Variants in MGMT observed in about 807,000 individuals in gnomAD.
The protein encoded by MGMT is methylated-DNA--protein-cysteine methyltransferase.
Under a neutral mutation model 15.9 loss-of-function variants are expected in MGMT, and 14 were observed. The ratio of observed to expected loss-of-function variants is 0.88; its 90% confidence interval spans 0.58 to 1.37. The LOEUF is 1.37. MGMT is among the 40% of genes most tolerant of loss of function. MGMT has a pLI of 0.00. For synonymous variants in MGMT, 130 were observed against 118.2 expected, an observed-to-expected ratio of 1.10 and a Z score of -0.65; for missense variants, 282 against 268.1, an observed-to-expected ratio of 1.05 and a Z score of -0.36.
In MGMT at chr10:129,612,003, G is replaced by A. The variant is rs141254560; in HGVS notation, c.125+75626G>A. 6.2e-4 allele frequency among the ~76,000 whole-genome samples: 95 copies of A among 152,266 alleles called. 2 individuals carry two copies. The East Asian group carries it at 0.018, about 28-fold the overall frequency. On this transcript the variant is annotated intron_variant, in intron 2 of 4. Coordinates refer to ENST00000651593, the MANE Select transcript of MGMT (RefSeq NM_002412.5). ...CTGAGAACATGTGCCTAAGGTGGTC[G>A]GGGTGCAGCTTGGTTTTATACATTT...
chr10:129,528,856 A>T (rs1845898844), intron 1 of MGMT, among the ~76,000 whole-genome samples: 3 of 151,514 alleles, frequency 2.0e-5, no homozygotes, highest in Non-Finnish European at 2.9e-5. Context: ...GAAAACAAGA[A>T]CTCTCTGCAG....
intron 2 of MGMT, among the ~76,000 whole-genome samples, chr10:129,658,559 A>G (rs1426442614): frequency 6.6e-6 from 1 of 152,216 alleles, no homozygotes; most frequent in Non-Finnish European, 1.5e-5. Context: ...AGTTTTTCAC[A>G]TATCTAAATA....
At chr10:129,734,232 T>G (rs1848534678) in intron 3 of MGMT, among the ~76,000 whole-genome samples, 1 of 143,798 alleles carries the variant, frequency 7.0e-6, no homozygotes, top group Non-Finnish European at 1.5e-5. Flanking sequence ...CTCTTTTATT[T>G]CATTGAGCAG....
chr10:129,714,286 G>A (rs1350240730), intron 3 of MGMT, among the ~76,000 whole-genome samples: 1 of 152,252 alleles, frequency 6.6e-6, no homozygotes, highest in Non-Finnish European at 1.5e-5. Flanking sequence ...ATGGGCCAAA[G>A]AACCTGAGGT....
chr10:129,476,604 G>A (rs2119624896), intron 1 of MGMT, among the ~76,000 whole-genome samples: 1 of 152,254 alleles, frequency 6.6e-6, no homozygotes, highest in Admixed American at 6.5e-5. Flanking sequence ...TGCTCACACT[G>A]CCCCAGCTTA....
chr10:129,499,895 C>T (rs1202206960), intron 1 of MGMT, among the ~76,000 whole-genome samples: 1 of 152,210 alleles, frequency 6.6e-6, no homozygotes, highest in Non-Finnish European at 1.5e-5. Context: ...TGTCAGTTTT[C>T]ACCCGATGAC....
chr10:129,678,135 G>A (rs937098647), intron 2 of MGMT, among the ~76,000 whole-genome samples: 22 of 152,198 alleles, frequency 1.4e-4, no homozygotes, highest in African/African-American at 5.1e-4. Flanking sequence ...AGAACGCCTC[G>A]GTGGCTCCAT....
At chr10:129,598,353 A>G (rs1409696742) in intron 2 of MGMT, among the ~76,000 whole-genome samples, 1 of 152,126 alleles carries the variant, frequency 6.6e-6, no homozygotes, top group African/African-American at 2.4e-5. Context: ...TTCCATCTGT[A>G]TAAGGGGATG....
At chr10:129,494,265 A>G (rs2119662741) in intron 1 of MGMT, among the ~76,000 whole-genome samples, 1 of 152,104 alleles carries the variant, frequency 6.6e-6, no homozygotes, top group African/African-American at 2.4e-5. Context: ...CATTTTTTTC[A>G]TATCTTCATT....
intron 2 of MGMT, among the ~76,000 whole-genome samples, chr10:129,640,097 CTTTT>C (rs539701974): frequency 1.4e-5 from 2 of 139,460 alleles, no homozygotes; most frequent in Non-Finnish European, 1.6e-5. Context: ...AAATGAATAA[CTTTT>C]TTTTTTTTTT....
At chr10:129,510,205 A>G (rs1845666714) in intron 1 of MGMT, among the ~76,000 whole-genome samples, 1 of 151,382 alleles carries the variant, frequency 6.6e-6, no homozygotes, top group African/African-American at 2.5e-5. Context: ...CCCTCGGAGA[A>G]TATTTTCCGG....
At chr10:129,599,364 GT>G (rs1306470715) in intron 2 of MGMT, among the ~76,000 whole-genome samples, 1 of 152,166 alleles carries the variant, frequency 6.6e-6, no homozygotes, top group East Asian at 1.9e-4. Context: ...GATTCAACAG[GT>G]TGCTCTCGTC....
intron 2 of MGMT, among the ~76,000 whole-genome samples, chr10:129,667,013 CA>C: frequency 6.6e-6 from 1 of 152,300 alleles, no homozygotes; most frequent in East Asian, 1.9e-4. Flanking sequence ...AAAATGGACT[CA>C]AACCCTGAAG....
intron 4 of MGMT, among the ~76,000 whole-genome samples, chr10:129,764,112 A>T (rs1848905988): frequency 6.6e-6 from 1 of 152,288 alleles, no homozygotes; most frequent in African/African-American, 2.4e-5. Context: ...CAAGGAGGAG[A>T]AGTGTGGTGC....
intron 1 of MGMT, among the ~76,000 whole-genome samples, chr10:129,471,277 G>A (rs1845228358): frequency 6.6e-6 from 1 of 152,260 alleles, no homozygotes; most frequent in East Asian, 1.9e-4. Context: ...CTTATTGACG[G>A]ATCAGGCAAT....
chr10:129,747,279 C>A (rs1389795559), intron 3 of MGMT, among the ~76,000 whole-genome samples: 1 of 152,146 alleles, frequency 6.6e-6, no homozygotes, highest in East Asian at 1.9e-4. Context: ...CTTCTATTTC[C>A]TCATCTTGCT....
At chr10:129,504,150 A>T (rs1483409884) in intron 1 of MGMT, among the ~76,000 whole-genome samples, 2 of 152,260 alleles carry the variant, frequency 1.3e-5, no homozygotes, top group African/African-American at 4.8e-5. Flanking sequence ...TGCCTTCAGA[A>T]CAGGAATGCT....
intron 2 of MGMT, among the ~76,000 whole-genome samples, chr10:129,554,509 C>T (rs908373968): frequency 6.6e-6 from 1 of 152,102 alleles, no homozygotes; most frequent in Non-Finnish European, 1.5e-5. Flanking sequence ...CTGTCTATGT[C>T]CTGGTGAACC....
At chr10:129,627,001 C>T (rs937693168) in intron 2 of MGMT, among the ~76,000 whole-genome samples, 30 of 152,152 alleles carry the variant, frequency 2.0e-4, no homozygotes, top group African/African-American at 6.8e-4. Flanking sequence ...TCTGAGGGGA[C>T]GGAGGCAGCT....
Sources: gnomAD v4.1 joint callset for allele counts (sites outside exome capture counted in the v4.1 genomes callset) on GRCh38, gnomAD v4.1.1 for gene constraint, MANE v1.5 for transcripts, NCBI Gene and HGNC (gene_info 2026-07-23, HGNC 2026-07-21) for gene names.